Variants in STXBP3 observed in about 807,000 individuals in gnomAD.
STXBP3 encodes the protein syntaxin binding protein 3, also known as syntaxin-binding protein 3.
STXBP3 carries 41 observed loss-of-function variants against 85.7 expected under a neutral mutation model. The observed-to-expected ratio is 0.48, with a 90% CI of 0.37 to 0.62. STXBP3 has a LOEUF of 0.62. STXBP3 is among the 20% of genes least tolerant of loss of function. The pLI is 0.00. For synonymous variants in STXBP3, 229 were observed against 231.7 expected (o/e 0.99, Z 0.10); for missense variants, 563 against 703.1 (o/e 0.80, Z 2.25).
chr1:108,790,328 G>T (rs1662949148), intron 11 of STXBP3, among the ~76,000 whole-genome samples: 1 of 152,012 alleles, frequency 6.6e-6, no homozygotes, highest in South Asian at 2.1e-4. Context: ...ATCATAAAAT[G>T]TCCCTTTTAT....
At chr1:108,760,940 G>A (rs1662125719) in intron 6 of STXBP3, among the ~76,000 whole-genome samples, 1 of 151,868 alleles carries the variant, frequency 6.6e-6, no homozygotes, top group South Asian at 2.1e-4. Context: ...TTTCGCTTTT[G>A]TCACCCAGGC....
chr1:108,758,210 G>A (rs1017311282), intron 4 of STXBP3, among the ~76,000 whole-genome samples: 13 of 148,382 alleles, frequency 8.8e-5, no homozygotes, highest in East Asian at 2.0e-4. Flanking sequence ...TGTTGTTTCA[G>A]TTTTCCTAGA....
chr1:108,799,582 C>T (rs1008114959), intron 16 of STXBP3, among the ~76,000 whole-genome samples: 1 of 152,040 alleles, frequency 6.6e-6, no homozygotes, highest in Non-Finnish European at 1.5e-5. Flanking sequence ...TCCATGTGCC[C>T]ACTTGTTAAT....
In STXBP3 at chr1:108,808,824, A is replaced by G; in HGVS notation, c.1726A>G (p.Ile576Val). ...VLTPKKLLDD[I>V]KMLNKPKDKV... Reference sequence around the variant, plus strand: ...AACACCCAAAAAGCTGTTGGATGATATAAAGATGCTGAATAAACCCAAGGA... The same window carrying G: ...AACACCCAAAAAGCTGTTGGATGATGTAAAGATGCTGAATAAACCCAAGGA... The change falls in exon 19 of 19, where the codon ATA (isoleucine) becomes GTA (valine). Residue 576 changes from isoleucine to valine, a missense_variant. Transcript: ENST00000370008. 3.1e-6 allele frequency: 5 copies of G among 1,613,196 alleles called. No homozygotes were observed. Among genetic ancestry groups the G allele is most frequent in the Non-Finnish European group, 4.2e-6 (5 of 1,179,718 alleles).
chr1:108,808,338 T>C (rs1458893917), intron 18 of STXBP3, among the ~76,000 whole-genome samples: 1 of 152,070 alleles, frequency 6.6e-6, no homozygotes, highest in Non-Finnish European at 1.5e-5. Flanking sequence ...AAAGCAAAAC[T>C]CCGTCTCTAC....
chr1:108,807,948 T>G (rs1480284044), intron 18 of STXBP3, among the ~76,000 whole-genome samples: 1 of 152,240 alleles, frequency 6.6e-6, no homozygotes, highest in Non-Finnish European at 1.5e-5. Context: ...GTTATACATT[T>G]GAGACAAAAT....
chr1:108,798,194 T>G lies in STXBP3; in HGVS notation c.1406T>G (p.Phe469Cys), dbSNP rs757694612. 3.7e-6 allele frequency: 6 copies of G among 1,613,122 alleles called. No individual in the cohort carries two copies. In the Admixed American group the frequency reaches 5.0e-5, roughly 13 times the overall value. Residue 469 changes from phenylalanine (F) to cysteine (C), a missense_variant, in exon 16 of 19, where the codon TTT (phenylalanine) becomes TGT (cysteine). Physicochemically the swap from Phe to Cys is radical, Grantham distance 205. Around this residue, in one of 3 missense-constraint regions of STXBP3, gnomAD observed 494 missense variants for 592.8 expected, o/e 0.83. Transcript: ENST00000370008. ...AAGGATCGGTCTGCAGAAGAAACTT[T>G]TCAGCTCTCTCGGTGGACACCTTTT... ...LRKDRSAEET[F>C]QLSRWTPFIK...
chr1:108,748,369 A>T (rs1661837522), intron 1 of STXBP3, among the ~76,000 whole-genome samples: 1 of 152,214 alleles, frequency 6.6e-6, no homozygotes. Flanking sequence ...AAAAAATTTT[A>T]AAATTAACCA....
At chr1:108,779,466 G>A in intron 9 of STXBP3, 56 bp downstream of exon 9, 1 of 1,502,990 alleles carries the variant, frequency 6.7e-7, no homozygotes, top group Non-Finnish European at 8.9e-7. Flanking sequence ...TAGAATATGA[G>A]CATTTAATGA....
At position 108,809,108 on chromosome 1, in the gene STXBP3, A is replaced by G; in HGVS notation, c.*231A>G. 1 of 384,016 alleles carries G rather than the reference A, an allele frequency of 2.6e-6. No individual in the cohort carries two copies. The highest frequency in any genetic ancestry group is 3.3e-5 in the South Asian group (1 of 30,138). The allele number at this position is 384,016 out of a possible 1,614,324, so 23.8% of individuals were successfully genotyped here. ...GAAGAAATGTTAAAGTGCTTTCTAAAAGGAAATTTTTTCACCTTTGGAGGA... is the reference window on the plus strand; with the variant it reads ...GAAGAAATGTTAAAGTGCTTTCTAAGAGGAAATTTTTTCACCTTTGGAGGA... On this transcript the variant is annotated 3_prime_UTR_variant, in exon 19 of 19. Transcript: ENST00000370008.
chr1:108,798,038 A>G (rs998135301), intron 15 of STXBP3, 107 bp from the exon 16 acceptor site: 1 of 945,210 alleles, frequency 1.1e-6, no homozygotes, highest in Non-Finnish European at 1.6e-6. Flanking sequence ...TAAGTCAAAT[A>G]CAATATAGTA....
At chr1:108,785,240 G>A (rs1690728) in intron 11 of STXBP3, among the ~76,000 whole-genome samples, 107,252 of 152,100 alleles carry the variant, frequency 0.71, 38,800 homozygotes, top group Non-Finnish European at 0.77. Flanking sequence ...TCCCTGCAGC[G>A]AACTCCGGCC....
At chr1:108,804,155 T>TA (rs1663283392) in intron 17 of STXBP3, among the ~76,000 whole-genome samples, 1 of 144,868 alleles carries the variant, frequency 6.9e-6, no homozygotes. Flanking sequence ...GTCTTGGTTT[T>TA]GTTAGAACAT....
At chr1:108,798,092 T>TTA in intron 15 of STXBP3, 53 bp from the exon 16 acceptor site, 2 of 1,362,538 alleles carry the variant, frequency 1.5e-6, no homozygotes, top group East Asian at 4.6e-5. Flanking sequence ...CGTAAGAGTA[T>TTA]TATATTTGAA....
chr1:108,798,768 AAAAAT>A (rs968108129), intron 16 of STXBP3, among the ~76,000 whole-genome samples: 143 of 152,332 alleles, frequency 9.4e-4, no homozygotes, highest in African/African-American at 3.3e-3. Context: ...CTGTTTCAAA[AAAAAT>A]AAAATAAACA....
chr1:108,748,916 G>A (rs1661849904), intron 1 of STXBP3, among the ~76,000 whole-genome samples: 1 of 152,162 alleles, frequency 6.6e-6, no homozygotes, highest in Admixed American at 6.5e-5. Flanking sequence ...GTCAGTGGAG[G>A]ATGTTAAATA....
chr1:108,777,254 A>G (rs1248993627), intron 8 of STXBP3, among the ~76,000 whole-genome samples: 3 of 152,252 alleles, frequency 2.0e-5, no homozygotes, highest in South Asian at 4.1e-4. Context: ...TATAATGGGA[A>G]TATAGTCCCG....
In STXBP3 at chr1:108,765,349, G is replaced by A. The variant is rs1048820190; in HGVS notation, c.438+5264G>A. Among the ~76,000 whole-genome samples the A allele has an allele frequency of 5.9e-5, 9 of 152,156 alleles. No individual in the cohort carries two copies. In the South Asian group the frequency reaches 6.2e-4, roughly 10 times the overall value. ...CAGGAGCCTCCATGGGTAGGCCCACGCCAAGGGAATTTTCCTCTTATGGAT... is the reference window on the plus strand; with the variant it reads ...CAGGAGCCTCCATGGGTAGGCCCACACCAAGGGAATTTTCCTCTTATGGAT... On this transcript the variant is annotated intron_variant, in intron 6 of 18. Transcript: ENST00000370008.
intron 9 of STXBP3, chr1:108,781,907 C>T (rs1662720958): frequency 6.6e-6 from 1 of 152,238 alleles, no homozygotes; most frequent in Non-Finnish European, 1.5e-5. Context: ...GACAGGGTTT[C>T]ACCTTGTTAG....
Sources: gnomAD v4.1 joint callset for allele counts (sites outside exome capture counted in the v4.1 genomes callset) on GRCh38, gnomAD v4.1.1 for gene constraint, gnomAD v4.1.1 regional missense constraint, MANE v1.5 for transcripts, NCBI Gene and HGNC (gene_info 2026-07-23, HGNC 2026-07-21) for gene names.